The following PPP6R2 variants were observed in gnomAD, a reference collection of about 807,000 sequenced individuals.
PPP6R2 encodes serine/threonine-protein phosphatase 6 regulatory subunit 2.
PPP6R2 carries 62 observed loss-of-function variants against 100.2 expected under a neutral mutation model. The ratio of observed to expected loss-of-function variants is 0.62; its 90% CI spans 0.50 to 0.76. The LOEUF (loss-of-function observed/expected upper bound fraction) is 0.76, where lower values mean the gene tolerates loss of function less well. Among genes scored for constraint, PPP6R2 ranks in the 30% least tolerant of loss-of-function variants. The pLI, the probability that PPP6R2 is intolerant of heterozygous loss-of-function variation, is 0.00. For synonymous variants in PPP6R2, 525 were observed against 514.7 expected (o/e 1.02, Z -0.27); for missense variants, 1,142 against 1,276.3 (o/e 0.89, Z 1.60).
At chr22:50,418,696 C>T (rs1011479182) in intron 6 of PPP6R2, among the ~76,000 whole-genome samples, 171 bp from the exon 7 acceptor site, 22 of 149,884 alleles carry the variant, frequency 1.5e-4, no homozygotes, top group Admixed American at 7.3e-4. Context: ...AAAAGTCCCA[C>T]ATCTTAAAAA....
chr22:50,393,985 A>G lies in PPP6R2; in HGVS notation c.77A>G (p.Glu26Gly). The G allele has an allele frequency of 6.2e-7, 1 of 1,614,146 alleles. No homozygotes were observed. The highest frequency in any genetic ancestry group is 8.5e-7 in the Non-Finnish European group (1 of 1,180,034). ...GACAAGGAGCATGTGACGCTGCAGG[A>G]GTTAATGGATGAAGATGACATCTTG... is the stretch of plus-strand genomic sequence containing the variant. ...LLDKEHVTLQELMDEDDILQE... is the reference protein window; with the variant it reads ...LLDKEHVTLQGLMDEDDILQE... Residue 26 changes from glutamate to glycine, a missense_variant, in exon 3 of 24, where the codon GAG becomes GGG. Glu to Gly is a moderately conservative substitution (Grantham distance 98). Transcript: ENST00000612753.
chr22:50,376,671 A>G (rs1002447058), intron 2 of PPP6R2, among the ~76,000 whole-genome samples: 2 of 151,348 alleles, frequency 1.3e-5, no homozygotes, highest in African/African-American at 4.9e-5. Flanking sequence ...CAATCTGCCC[A>G]CCTCGGCCTC....
At position 50,438,248 on chromosome 22, in the gene PPP6R2, C is replaced by T. The variant is rs1406193652; in HGVS notation, c.1914C>T (p.Ile638=). The T allele has an allele frequency of 6.2e-7, 1 of 1,613,920 alleles. No homozygotes were observed. The highest frequency in any genetic ancestry group is 1.7e-5 in the Admixed American group (1 of 60,004). The change falls in exon 18 of 24, where the codon ATC becomes ATT. Residue 638 remains isoleucine, a synonymous_variant. Transcript: ENST00000612753. The part of the protein sequence containing the change: ...QPFDDDEDED[I]WEDSDTRCAA... ...TTGATGATGATGAGGACGAGGACAT[C>T]TGGGAGGACAGTGACACTCGCTGTG...
chr22:50,444,298 C>G lies in PPP6R2; in HGVS notation c.*51C>G. On this transcript the variant is annotated 3_prime_UTR_variant, in exon 24 of 24. Transcript: ENST00000612753. ...ACCCTGGTCAGGCTGCCTCCTTAAT[C>G]GAGAAAACTACCTGGTGATGCAATC... The G allele has an allele frequency of 6.4e-7, 1 of 1,566,140 alleles. No individual in the cohort carries two copies. The highest frequency in any genetic ancestry group is 8.7e-7 in the Non-Finnish European group (1 of 1,151,758).
upstream of PPP6R2, among the ~76,000 whole-genome samples, chr22:50,339,754 G>GGTGTGTGGT (rs2042348769): frequency 8.4e-6 from 1 of 119,152 alleles, no homozygotes; most frequent in African/African-American, 3.6e-5. Flanking sequence ...AGTATGTGGT[G>GGTGTGTGGT]GTGTGTGGTG....
At chr22:50,397,312 G>A (rs1474647467) in intron 3 of PPP6R2, among the ~76,000 whole-genome samples, 6 of 152,162 alleles carry the variant, frequency 3.9e-5, no homozygotes, top group Non-Finnish European at 8.8e-5. Context: ...ATCCAGGTCA[G>A]GATATCCATC....
At chr22:50,440,259 G>A (rs1455622871) in intron 21 of PPP6R2, among the ~76,000 whole-genome samples, 2 of 152,244 alleles carry the variant, frequency 1.3e-5, no homozygotes, top group Non-Finnish European at 2.9e-5. Flanking sequence ...CAAGGCCATT[G>A]GGCTGGCTCT....
At chr22:50,337,379 G>GT in the PPP6R2 span, among the ~76,000 whole-genome samples, 7 of 144,722 alleles carry the variant, frequency 4.8e-5, no homozygotes, top group East Asian at 2.1e-4. Context: ...GCTGTGTGGG[G>GT]GGTGTGTGTG....
intron 4 of PPP6R2, among the ~76,000 whole-genome samples, chr22:50,414,348 C>G (rs930499737): frequency 9.4e-5 from 7 of 74,452 alleles, no homozygotes; most frequent in Admixed American, 2.0e-4. Context: ...CCCCCCCCCC[C>G]CCGCCCAGAC....
chr22:50,373,939 G>A (rs943181942), intron 2 of PPP6R2, among the ~76,000 whole-genome samples: 9 of 152,034 alleles, frequency 5.9e-5, no homozygotes, highest in South Asian at 2.1e-4. Flanking sequence ...TCACCACGTT[G>A]GTCAGGCTGG....
intron 4 of PPP6R2, 116 bp downstream of exon 4, chr22:50,406,991 ACT>A: frequency 2.9e-6 from 3 of 1,046,384 alleles, no homozygotes; most frequent in Non-Finnish European, 4.3e-6. Flanking sequence ...AGCATCTGTG[ACT>A]CTTCTGCGCA....
intron 1 of PPP6R2, among the ~76,000 whole-genome samples, chr22:50,347,565 C>T (rs80327784): frequency 0.095 from 14,473 of 152,028 alleles, 840 homozygotes; most frequent in East Asian, 0.19. Flanking sequence ...CTCGCAGCTT[C>T]CCTACCTGCT....
chr22:50,419,480 A>G lies in PPP6R2; in HGVS notation c.845+18A>G. The G allele has an allele frequency of 6.3e-7, 1 of 1,580,022 alleles. No homozygotes were observed. The highest frequency in any genetic ancestry group is 8.7e-7 in the Non-Finnish European group (1 of 1,149,804). ...CGGGTTGGGTGAGTCTCACGAGGAG[A>G]AATCGTGTAGAGCTGAACTTGACGC... On this transcript the variant is annotated intron_variant, in intron 8 of 23. Coordinates refer to ENST00000612753, the MANE Select transcript of PPP6R2 (RefSeq NM_001242898.2).
At chr22:50,380,986 CAAA>C (rs375160457) in intron 2 of PPP6R2, among the ~76,000 whole-genome samples, 4 of 87,882 alleles carry the variant, frequency 4.6e-5, no homozygotes, top group Admixed American at 1.3e-4. Flanking sequence ...GACTCCATCT[CAAA>C]AAAAAAAAAA....
chr22:50,436,897 C>G, intron 14 of PPP6R2, 91 bp from the exon 15 acceptor site: 3 of 1,062,948 alleles, frequency 2.8e-6, no homozygotes, highest in Non-Finnish European at 4.3e-6. Context: ...TCTGGGAGCC[C>G]TGGGCTGGGC....
intron 4 of PPP6R2, among the ~76,000 whole-genome samples, chr22:50,408,388 G>C (rs1471014535): frequency 1.3e-5 from 2 of 152,186 alleles, no homozygotes; most frequent in Non-Finnish European, 2.9e-5. Flanking sequence ...CAGCATGCAT[G>C]TGAGTGTTCA....
the PPP6R2 span, among the ~76,000 whole-genome samples, chr22:50,332,903 T>C: frequency 6.6e-6 from 1 of 152,220 alleles, no homozygotes; most frequent in Non-Finnish European, 1.5e-5. Context: ...ATTACAGGCC[T>C]GAGCCACCAC....
intron 15 of PPP6R2, among the ~76,000 whole-genome samples, 179 bp from the exon 16 acceptor site, chr22:50,437,327 C>T (rs1250428165): frequency 1.3e-5 from 2 of 152,222 alleles, no homozygotes; most frequent in Non-Finnish European, 2.9e-5. Flanking sequence ...CCGCAGCGAG[C>T]GCGCAGCCTG....
In PPP6R2 at chr22:50,375,544, G is replaced by A. The variant is rs563305782; in HGVS notation, c.-17+3394G>A. On this transcript the variant is annotated intron_variant, in intron 2 of 23. Transcript: ENST00000612753. Reference sequence around the variant, plus strand: ...AAGGGCTCTATCCTCAAGGTGTGAGGGCAGACTAGAGGCACATGTGCCTCA... The same window carrying A: ...AAGGGCTCTATCCTCAAGGTGTGAGAGCAGACTAGAGGCACATGTGCCTCA... 9.2e-5 allele frequency among the ~76,000 whole-genome samples: 14 copies of A among 152,224 alleles called. No homozygotes were observed. The East Asian group carries it at 2.5e-3, about 27-fold the overall frequency.
Sources: gnomAD v4.1 joint callset for allele counts (sites outside exome capture counted in the v4.1 genomes callset) on GRCh38, gnomAD v4.1.1 for gene constraint, MANE v1.5 for transcripts, NCBI Gene and HGNC (gene_info 2026-07-23, HGNC 2026-07-21) for gene names.